The following ATP6V0A4 variants were observed in gnomAD, a reference collection of about 807,000 sequenced individuals.
ATP6V0A4 encodes the protein ATPase H+ transporting V0 subunit a4, also known as V-type proton ATPase 116 kDa subunit a 4.
In ATP6V0A4, 86 loss-of-function variants were observed where a neutral mutation model predicts 107.3. The observed-to-expected ratio is 0.80, with a 90% CI of 0.67 to 0.96. ATP6V0A4 has a LOEUF of 0.96. Among genes scored for constraint, ATP6V0A4 ranks in the 40% least tolerant of loss-of-function variants. The probability of loss-of-function intolerance (pLI) is 0.00; values close to 1 mark genes in which losing one functional copy is unlikely to be tolerated. For missense variants in ATP6V0A4, 908 were observed against 1,045.6 expected (o/e 0.87, Z 1.81); for synonymous variants, 353 against 381.4 (o/e 0.93, Z 0.87).
At chr7:138,755,556 C>A (rs1350630631) in intron 10 of ATP6V0A4, 133 bp downstream of exon 10, 14 of 1,235,706 alleles carry the variant, frequency 1.1e-5, no homozygotes, top group Non-Finnish European at 1.6e-5. Flanking sequence ...TCCACAGCCA[C>A]AACCAGAAAG....
In ATP6V0A4 at chr7:138,732,946, G is replaced by A. The variant is rs145939630; in HGVS notation, c.1839C>T (p.Leu613=). The A allele has an allele frequency of 1.9e-4, 312 of 1,613,620 alleles. No homozygotes were observed. Among genetic ancestry groups the A allele is most frequent in the Non-Finnish European group, 2.5e-4 (295 of 1,179,606 alleles). The change falls in exon 17 of 22, where the codon CTC becomes CTT. Residue 613 remains leucine, a synonymous_variant. Coordinates refer to ENST00000310018, the MANE Select transcript of ATP6V0A4 (RefSeq NM_020632.3). ...ACAGAAACATGTTGATGAAGTGGATGAGGATGCTGGGGGCGTGCTGAGATA... is the reference window on the plus strand; with the variant it reads ...ACAGAAACATGTTGATGAAGTGGATAAGGATGCTGGGGGCGTGCTGAGATA... ...VHVSQHAPSI[L]IHFINMFLFN...
At chr7:138,776,323 T>C (rs180778667) in intron 2 of ATP6V0A4, among the ~76,000 whole-genome samples, 39 of 152,346 alleles carry the variant, frequency 2.6e-4, no homozygotes, top group African/African-American at 8.7e-4. Context: ...GCACCTGCTC[T>C]GTACCCTGGA....
chr7:138,763,958 C>A (rs549668511), intron 5 of ATP6V0A4, among the ~76,000 whole-genome samples: 1 of 141,538 alleles, frequency 7.1e-6, no homozygotes. Context: ...TTTTTTCAGA[C>A]TCTGTCTCAA....
chr7:138,745,237 A>G lies in ATP6V0A4; in HGVS notation c.1364T>C (p.Met455Thr), dbSNP rs771333464. ...FFHGRYLILLMGIFSIYTGLI... is the reference protein window; with the variant it reads ...FFHGRYLILLTGIFSIYTGLI... ...ACCCGTGTAGATGGAGAAGATGCCC[A>G]TAAGTAGGATCAGATAGCGCCCGTG... Residue 455 changes from methionine to threonine, a missense_variant, in exon 14 of 22, where the codon ATG (methionine) becomes ACG (threonine). Transcript: ENST00000310018. The G allele has an allele frequency of 4.4e-6, 7 of 1,607,988 alleles. No individual in the cohort carries two copies. In the South Asian group the frequency reaches 7.7e-5, roughly 18 times the overall value.
At chr7:138,751,018 C>G (rs1436981211) in intron 11 of ATP6V0A4, among the ~76,000 whole-genome samples, 2 of 152,112 alleles carry the variant, frequency 1.3e-5, no homozygotes. Context: ...CTCCCGCCCC[C>G]AACCTTCCCA....
chr7:138,734,059 C>G, intron 16 of ATP6V0A4, 77 bp downstream of exon 16: 1 of 1,502,228 alleles, frequency 6.7e-7, no homozygotes. Flanking sequence ...GATGCAGTTC[C>G]CAAACCAGTG....
At chr7:138,747,740 T>C in intron 12 of ATP6V0A4, 176 bp from the exon 13 acceptor site, 1 of 1,044,354 alleles carries the variant, frequency 9.6e-7, no homozygotes, top group Non-Finnish European at 1.4e-6. Flanking sequence ...TGAGTGCATC[T>C]GTTCCTAGGC....
At chr7:138,777,941 C>A (rs1167954510) in intron 2 of ATP6V0A4, among the ~76,000 whole-genome samples, 2 of 152,182 alleles carry the variant, frequency 1.3e-5, no homozygotes, top group Non-Finnish European at 1.5e-5. Flanking sequence ...CGAGCACCAA[C>A]ATGACACCAC....
In ATP6V0A4 at chr7:138,798,042, G is replaced by A. The variant is rs776897088; in HGVS notation, c.-129C>T. 3.9e-6 allele frequency: 6 copies of A among 1,556,296 alleles called. No individual in the cohort carries two copies. The highest frequency in any genetic ancestry group is 5.2e-6 in the Non-Finnish European group (6 of 1,150,032). On this transcript the variant is annotated 5_prime_UTR_variant, in exon 1 of 22. Coordinates refer to ENST00000310018, the MANE Select transcript of ATP6V0A4 (RefSeq NM_020632.3). ...GGTGGGAGTCGACTCACCTGCAGCA[G>A]GCACTCGGCACAACTCCGCAGGACC...
intron 8 of ATP6V0A4, chr7:138,756,742 G>A (rs917507915): frequency 5.8e-5 from 14 of 242,128 alleles, no homozygotes; most frequent in Non-Finnish European, 8.6e-5. Context: ...GGCTAATGCA[G>A]CCTTAAGGTG....
At chr7:138,711,852 C>T (rs1044728585) in intron 20 of ATP6V0A4, among the ~76,000 whole-genome samples, 5 of 152,246 alleles carry the variant, frequency 3.3e-5, no homozygotes, top group Admixed American at 3.3e-4. Flanking sequence ...GCAGCACAGA[C>T]ACCCATGAGC....
At chr7:138,788,917 T>C (rs1271540348) in intron 1 of ATP6V0A4, among the ~76,000 whole-genome samples, 3 of 152,224 alleles carry the variant, frequency 2.0e-5, no homozygotes, top group African/African-American at 7.2e-5. Flanking sequence ...AGTAAACCTC[T>C]TTTCTTTACA....
At chr7:138,718,365 G>GTGTGTGTGTGTGTGTGT (rs1804214512) in intron 19 of ATP6V0A4, among the ~76,000 whole-genome samples, 3 of 123,618 alleles carry the variant, frequency 2.4e-5, no homozygotes, top group Admixed American at 8.8e-5. Flanking sequence ...AAGGAAGGGG[G>GTGTGTGTGTGTGTGTGT]GAATGCAGTC....
intron 18 of ATP6V0A4, among the ~76,000 whole-genome samples, chr7:138,723,327 G>T (rs1804532103): frequency 1.3e-5 from 2 of 151,906 alleles, no homozygotes. Context: ...AAATAGCTTA[G>T]GAAAAATTCA....
chr7:138,776,693 A>C (rs1807672205), intron 2 of ATP6V0A4, among the ~76,000 whole-genome samples: 1 of 152,190 alleles, frequency 6.6e-6, no homozygotes, highest in Non-Finnish European at 1.5e-5. Context: ...ACATGTGGAG[A>C]AAAGAGTACA....
chr7:138,733,004 A>T lies in ATP6V0A4; in HGVS notation c.1781T>A (p.Ile594Asn). 1 of 1,614,126 alleles carries T rather than the reference A, an allele frequency of 6.2e-7. No individual in the cohort carries two copies. Among genetic ancestry groups the T allele is most frequent in the Non-Finnish European group, 8.5e-7 (1 of 1,180,010 alleles). Residue 594 changes from isoleucine (I) to asparagine (N), a missense_variant, in exon 17 of 22, where the codon ATC (isoleucine) becomes AAC (asparagine). Physicochemically the swap from Ile to Asn is moderately radical, Grantham distance 149. Transcript: ENST00000310018. ...GTCAAAGCAGCACCATTTGAAAATG[A>T]TCATGAAAACCAGGTATCCAAACAG... The part of the protein sequence containing the change: ...LCLFGYLVFM[I>N]IFKWCCFDVH...
intron 14 of ATP6V0A4, 29 bp from the exon 15 acceptor site, chr7:138,739,662 A>G (rs772567288): frequency 3.1e-6 from 5 of 1,613,150 alleles, no homozygotes; most frequent in East Asian, 4.5e-5. Flanking sequence ...AGAAAAACAA[A>G]CAATGATCAA....
chr7:138,708,390 A>G (rs1215535349), intron 21 of ATP6V0A4, among the ~76,000 whole-genome samples: 1 of 152,100 alleles, frequency 6.6e-6, no homozygotes, highest in African/African-American at 2.4e-5. Context: ...CCTCTCCTCA[A>G]TGACATGGAG....
chr7:138,765,294 T>G (rs1229557790), intron 5 of ATP6V0A4, among the ~76,000 whole-genome samples: 4 of 152,136 alleles, frequency 2.6e-5, no homozygotes, highest in African/African-American at 9.7e-5. Flanking sequence ...ACCCTGAATT[T>G]TGAACACTGA....
Sources: allele counts gnomAD v4.1 joint callset (sites outside exome capture counted in the v4.1 genomes callset), GRCh38; gene constraint gnomAD v4.1.1; transcripts MANE v1.5; gene names NCBI Gene and HGNC (gene_info 2026-07-23, HGNC 2026-07-21).